ZFR: variants seen among roughly 807,000 people sequenced by gnomAD.
ZFR encodes zinc finger RNA-binding protein.
Under a neutral mutation model 130.7 loss-of-function variants are expected in ZFR, and 19 were observed. That is an observed-to-expected ratio of 0.15 (90% CI 0.10 to 0.21). The LOEUF is 0.21. Among genes scored for constraint, ZFR ranks in the 10% least tolerant of loss-of-function variants. ZFR has a pLI of 1.00. For synonymous variants in ZFR, 466 were observed against 456.9 expected (o/e 1.02, Z -0.25); for missense variants, 872 against 1,321.5 (o/e 0.66, Z 5.27).
At position 32,355,863 on chromosome 5, in the gene ZFR, C is replaced by T. The variant is rs1752293976; in HGVS notation, c.3122G>A (p.Arg1041His). The stretch of plus-strand genomic sequence containing the variant: ...TTTCCTGTTGTTGTGGATGTTAAAA[C>T]GTTGGCTCATTTGCGGTAATGGATC... ...GMDPLPQMSQ[R>H]FNIHNNRKRR... Residue 1041 changes from arginine (R) to histidine (H), a missense_variant, in exon 20 of 20, where the codon CGT becomes CAT. Physicochemically the swap from Arg to His is conservative, Grantham distance 29. Around this residue, in one of 7 missense-constraint regions of ZFR, gnomAD observed 158 missense variants for 264.0 expected, o/e 0.60. Coordinates refer to ENST00000265069, the MANE Select transcript of ZFR (RefSeq NM_016107.5). 6.2e-7 allele frequency: 1 copy of T among 1,612,106 alleles called. No homozygotes were observed. Among genetic ancestry groups the T allele is most frequent in the Non-Finnish European group, 8.5e-7 (1 of 1,179,386 alleles).
intron 1 of ZFR, 104 bp downstream of exon 1, chr5:32,444,518 G>A: frequency 7.4e-7 from 1 of 1,358,212 alleles, no homozygotes; most frequent in East Asian, 3.1e-5. Context: ...CCGGGTGGCG[G>A]CCGCCGCCTC....
chr5:32,437,890 T>A (rs1005702088), intron 2 of ZFR, among the ~76,000 whole-genome samples: 1 of 152,184 alleles, frequency 6.6e-6, no homozygotes, highest in African/African-American at 2.4e-5. Context: ...TCCTTCCTTA[T>A]CATTTCTGCA....
Position 32,355,902 on chromosome 5 carries a change from T to A in ZFR, c.3083A>T (p.Lys1028Ile). 1 of 1,601,546 alleles carries A rather than the reference T, an allele frequency of 6.2e-7. No homozygotes were observed. The highest frequency in any genetic ancestry group is 1.3e-5 in the African/African-American group (1 of 74,144). ...LRLLAFRQIH[K>I]VLGMDPLPQM... The stretch of plus-strand genomic sequence containing the variant: ...CGGTAATGGATCCATGCCTAGAACT[T>A]TGTGTATCTGGCGGAATGCAAGGAG... The change falls in exon 20 of 20, where the codon AAA becomes ATA. Residue 1028 changes from lysine to isoleucine, a missense_variant. By Grantham distance (102) the Lys-to-Ile change is moderately radical (BLOSUM62 -3). This residue lies in a region of ZFR where 158 missense variants were observed against 264.0 expected (regional missense o/e 0.60). Transcript: ENST00000265069.
Position 32,415,032 on chromosome 5 carries a change from C to A in ZFR, c.721G>T (p.Ala241Ser). 1 of 1,614,112 alleles carries A rather than the reference C, an allele frequency of 6.2e-7. No individual in the cohort carries two copies. The highest frequency in any genetic ancestry group is 1.6e-4 in the Middle Eastern group (1 of 6,062). The change falls in exon 5 of 20, where the codon GCT becomes TCT. Residue 241 changes from alanine to serine, a missense_variant. Physicochemically the swap from Ala to Ser is moderately conservative, Grantham distance 99. Coordinates refer to ENST00000265069, the MANE Select transcript of ZFR (RefSeq NM_016107.5). ...TGAGTATAGGATGGCACCACAGTAGCCGCAGCTGCTACTGGCTGTACGGTG... is the reference window on the plus strand; with the variant it reads ...TGAGTATAGGATGGCACCACAGTAGACGCAGCTGCTACTGGCTGTACGGTG... The part of the protein sequence containing the change: ...SSTVQPVAAA[A>S]TVVPSYTQSA...
At chr5:32,428,017 A>G (rs1754115093) in intron 2 of ZFR, among the ~76,000 whole-genome samples, 1 of 152,254 alleles carries the variant, frequency 6.6e-6, no homozygotes, top group South Asian at 2.1e-4. Context: ...AACTCTTAGT[A>G]GAAAACACAA....
At chr5:32,444,573 G>C in intron 1 of ZFR, 49 bp downstream of exon 1, 1 of 1,451,292 alleles carries the variant, frequency 6.9e-7, no homozygotes. Context: ...CGCTGCCCGG[G>C]GCCAGGGAGG....
At chr5:32,388,767 C>T in intron 12 of ZFR, 93 bp from the exon 13 acceptor site, 10 of 1,132,822 alleles carry the variant, frequency 8.8e-6, no homozygotes, top group Non-Finnish European at 1.2e-5. Context: ...TGTATCTTTT[C>T]AATAAGAAAG....
intron 18 of ZFR, 46 bp from the exon 19 acceptor site, chr5:32,364,091 T>G: frequency 6.3e-7 from 1 of 1,599,518 alleles, no homozygotes; most frequent in Non-Finnish European, 8.6e-7. Context: ...CATTGTCCAC[T>G]TATAAAAAAA....
At chr5:32,427,725 C>T (rs2548730) in intron 2 of ZFR, among the ~76,000 whole-genome samples, 61,930 of 152,010 alleles carry the variant, frequency 0.41, 12,857 homozygotes, top group East Asian at 0.57. Flanking sequence ...CTCACACTTG[C>T]TAATTTCAAA....
At chr5:32,419,602 T>A (rs1753907877) in intron 3 of ZFR, among the ~76,000 whole-genome samples, 1 of 152,176 alleles carries the variant, frequency 6.6e-6, no homozygotes, top group African/African-American at 2.4e-5. Context: ...CCTCTCAAAG[T>A]GCTGGGATTA....
intron 2 of ZFR, among the ~76,000 whole-genome samples, chr5:32,425,714 C>G: frequency 6.6e-6 from 1 of 152,132 alleles, no homozygotes; most frequent in East Asian, 1.9e-4. Flanking sequence ...TTAGTAGAGA[C>G]ACGGTTTCAC....
chr5:32,370,397 T>C (rs1283562083), intron 17 of ZFR, among the ~76,000 whole-genome samples: 1 of 149,698 alleles, frequency 6.7e-6, no homozygotes, highest in Non-Finnish European at 1.5e-5. Flanking sequence ...CAGACAGACA[T>C]GGTCTTGCCC....
At chr5:32,440,105 G>A (rs188158402) in intron 2 of ZFR, among the ~76,000 whole-genome samples, 17 of 152,050 alleles carry the variant, frequency 1.1e-4, no homozygotes, top group Admixed American at 7.9e-4. Context: ...AGTTCTCTCC[G>A]CAAGATTTAT....
chr5:32,387,448 A>T, intron 14 of ZFR, 101 bp downstream of exon 14: 1 of 1,422,986 alleles, frequency 7.0e-7, no homozygotes. Flanking sequence ...TCAAGCCAAA[A>T]TTTTAAAGGC....
chr5:32,406,739 C>T, intron 6 of ZFR, 35 bp downstream of exon 6: 2 of 1,586,410 alleles, frequency 1.3e-6, no homozygotes, highest in Non-Finnish European at 1.7e-6. Flanking sequence ...TTAATAACCA[C>T]TGAAGACTCA....
chr5:32,417,829 A>G, intron 3 of ZFR, 37 bp from the exon 4 acceptor site: 1 of 1,603,648 alleles, frequency 6.2e-7, no homozygotes, highest in Admixed American at 1.7e-5. Flanking sequence ...TTGCTATGAG[A>G]CAAGTGGAAG....
chr5:32,393,473 A>T (rs541777542), intron 11 of ZFR, among the ~76,000 whole-genome samples: 13 of 151,888 alleles, frequency 8.6e-5, no homozygotes, highest in Non-Finnish European at 1.5e-4. Flanking sequence ...CCTCCTGAGT[A>T]GCCGGAATTA....
intron 2 of ZFR, among the ~76,000 whole-genome samples, chr5:32,439,309 C>A (rs148316054): frequency 4.6e-5 from 7 of 152,266 alleles, no homozygotes; most frequent in African/African-American, 1.4e-4. Context: ...GGTTTTTTTA[C>A]TTTCTCAGTG....
At chr5:32,388,114 A>G (rs1436779580) in intron 13 of ZFR, among the ~76,000 whole-genome samples, 1 of 152,242 alleles carries the variant, frequency 6.6e-6, no homozygotes, top group Non-Finnish European at 1.5e-5. Flanking sequence ...CTTTAAGGAA[A>G]TAGTTATTAA....
Sources: gnomAD v4.1 joint callset for allele counts (sites outside exome capture counted in the v4.1 genomes callset) on GRCh38, gnomAD v4.1.1 for gene constraint, gnomAD v4.1.1 regional missense constraint, MANE v1.5 for transcripts, NCBI Gene and HGNC (gene_info 2026-07-23, HGNC 2026-07-21) for gene names.